Variants in DYDC1 observed in about 807,000 individuals in gnomAD.
DYDC1 encodes the protein DPY30 domain-containing protein 1.
DYDC1 carries 21 observed loss-of-function variants against 27.9 expected under a neutral mutation model. That is an observed-to-expected ratio of 0.75 (90% CI 0.53 to 1.08). The LOEUF (loss-of-function observed/expected upper bound fraction) is 1.08, where lower values mean the gene tolerates loss of function less well. DYDC1 is among the 50% of genes least tolerant of loss of function. DYDC1 has a pLI of 0.00. For missense variants in DYDC1, 202 were observed against 205.9 expected (o/e 0.98, Z 0.12); for synonymous variants, 67 against 65.8 (o/e 1.02, Z -0.09).
At chr10:80,345,992 C>T (rs1431646394) in intron 3 of DYDC1, among the ~76,000 whole-genome samples, 1 of 152,100 alleles carries the variant, frequency 6.6e-6, no homozygotes, top group African/African-American at 2.4e-5. Context: ...CAGGTGCATG[C>T]CATCATCATC....
Position 80,345,868 on chromosome 10 carries a change from G to A in DYDC1, c.250-3507C>T, listed in dbSNP as rs140551152. On this transcript the variant is annotated intron_variant, in intron 3 of 6. Coordinates refer to ENST00000372202, the MANE Select transcript of DYDC1 (RefSeq NM_001269053.2). ...GATATACATGAGAAATACATCTTACGTTTTTTCAAGACAGGGTCTTGCTCT... is the reference window on the plus strand; with the variant it reads ...GATATACATGAGAAATACATCTTACATTTTTTCAAGACAGGGTCTTGCTCT... 1.3e-3 allele frequency among the ~76,000 whole-genome samples: 205 copies of A among 152,158 alleles called. 1 individual carries two copies. The highest frequency in any genetic ancestry group is 4.6e-3 in the African/African-American group (192 of 41,522).
chr10:80,339,034 A>T, intron 5 of DYDC1, 63 bp downstream of exon 5: 1 of 922,214 alleles, frequency 1.1e-6, no homozygotes, highest in Non-Finnish European at 1.6e-6. Flanking sequence ...CATCAAAATT[A>T]AGCTTTACAT....
intron 3 of DYDC1, among the ~76,000 whole-genome samples, chr10:80,346,100 G>A (rs149328807): frequency 8.5e-5 from 13 of 152,204 alleles, no homozygotes; most frequent in Non-Finnish European, 1.3e-4. Flanking sequence ...CTCAGGCCTC[G>A]GCCTCCCAAA....
chr10:80,354,462 G>A (rs1843228069), intron 1 of DYDC1: 2 of 147,724 alleles, frequency 1.4e-5, no homozygotes, highest in Admixed American at 6.8e-5. Flanking sequence ...CTCCAGCCTG[G>A]GCAACAAGAG....
intron 6 of DYDC1, chr10:80,337,185 T>C: frequency 1.0e-6 from 1 of 985,466 alleles, no homozygotes; most frequent in Non-Finnish European, 1.2e-6. Flanking sequence ...CTTCACCTCC[T>C]GAGGAAGACT....
intron 4 of DYDC1, among the ~76,000 whole-genome samples, chr10:80,339,960 G>A (rs556962086): frequency 1.4e-3 from 220 of 152,266 alleles, no homozygotes; most frequent in Middle Eastern, 3.4e-3. Context: ...ATGGATATTT[G>A]ACACAAACTA....
At chr10:80,339,890 C>A (rs571566493) in intron 4 of DYDC1, among the ~76,000 whole-genome samples, 9 of 152,332 alleles carry the variant, frequency 5.9e-5, no homozygotes, top group Non-Finnish European at 1.3e-4. Context: ...TATCCAGCAT[C>A]CACAAGGCTA....
chr10:80,356,146 C>A, intron 1 of DYDC1: 1 of 697,744 alleles, frequency 1.4e-6, no homozygotes, highest in Non-Finnish European at 1.8e-6. Context: ...CTGGGCATAT[C>A]AGTGGGACCC....
intron 3 of DYDC1, among the ~76,000 whole-genome samples, chr10:80,349,865 A>C (rs1842883811): frequency 6.6e-6 from 1 of 152,178 alleles, no homozygotes; most frequent in African/African-American, 2.4e-5. Flanking sequence ...TACATAGAAA[A>C]TGGCAATAAA....
chr10:80,351,978 C>G lies in DYDC1; in HGVS notation c.172G>C (p.Glu58Gln). 6.2e-7 allele frequency: 1 copy of G among 1,614,158 alleles called. No individual in the cohort carries two copies. ...ATCAGAGCTAATTCTCTTTCACGCTCCAGCTTGGCCATTTCCTTTTGTCTC... is the reference window on the plus strand; with the variant it reads ...ATCAGAGCTAATTCTCTTTCACGCTGCAGCTTGGCCATTTCCTTTTGTCTC... ...QLRQKEMAKLERERELALMEQ... is the reference protein window; with the variant it reads ...QLRQKEMAKLQRERELALMEQ... The change falls in exon 3 of 7, where the codon GAG becomes CAG. Residue 58 changes from glutamate (E) to glutamine (Q), a missense_variant. Physicochemically the swap from Glu to Gln is conservative, Grantham distance 29 (BLOSUM62 2). Transcript: ENST00000372202.
At chr10:80,342,034 A>C (rs907869944) in intron 4 of DYDC1, among the ~76,000 whole-genome samples, 1 of 152,094 alleles carries the variant, frequency 6.6e-6, no homozygotes, top group Non-Finnish European at 1.5e-5. Flanking sequence ...CAAAAAAAAA[A>C]AAAAAAAAAG....
chr10:80,347,648 T>A (rs1221274872), intron 3 of DYDC1, among the ~76,000 whole-genome samples: 2 of 152,194 alleles, frequency 1.3e-5, no homozygotes, highest in African/African-American at 4.8e-5. Context: ...AAGACAAGGA[T>A]CCAGTTTCAT....
chr10:80,345,177 C>A (rs1842538557), intron 3 of DYDC1, among the ~76,000 whole-genome samples: 1 of 152,198 alleles, frequency 6.6e-6, no homozygotes, highest in African/African-American at 2.4e-5. Context: ...CCTTCATTCA[C>A]TCTTGTAAAC....
intron 6 of DYDC1, 37 bp downstream of exon 6, chr10:80,338,430 A>G (rs751204050): frequency 2.1e-5 from 34 of 1,607,678 alleles, no homozygotes; most frequent in Non-Finnish European, 2.6e-5. Context: ...AAACAAAAAC[A>G]AAAACGAGTT....
chr10:80,350,343 G>T (rs1195285922), intron 3 of DYDC1, among the ~76,000 whole-genome samples: 1 of 152,162 alleles, frequency 6.6e-6, no homozygotes, highest in African/African-American at 2.4e-5. Flanking sequence ...CGATGTAATT[G>T]CCTAGGGGAA....
chr10:80,350,992 ACAT>A (rs1321395522), intron 3 of DYDC1, among the ~76,000 whole-genome samples: 2 of 152,164 alleles, frequency 1.3e-5, no homozygotes, highest in African/African-American at 4.8e-5. Context: ...GAAGAGAATC[ACAT>A]CATCACATAA....
chr10:80,352,811 A>G, intron 1 of DYDC1: 1 of 494,496 alleles, frequency 2.0e-6, no homozygotes, highest in East Asian at 3.7e-5. Context: ...CACTACAACT[A>G]ACATGGTTTC....
At chr10:80,352,699 C>T in intron 1 of DYDC1, 89 bp from the exon 2 acceptor site, 2 of 1,417,970 alleles carry the variant, frequency 1.4e-6, no homozygotes, top group South Asian at 3.4e-5. Flanking sequence ...CAAAGCCTTA[C>T]ATACACCCTG....
intron 6 of DYDC1, 184 bp downstream of exon 6, chr10:80,338,283 A>C: frequency 7.5e-7 from 1 of 1,334,092 alleles, no homozygotes; most frequent in East Asian, 3.0e-5. Context: ...CACTTCACAA[A>C]AGGGCAGAAT....
Sources: allele counts gnomAD v4.1 joint callset (sites outside exome capture counted in the v4.1 genomes callset), GRCh38; gene constraint gnomAD v4.1.1; transcripts MANE v1.5; gene names NCBI Gene and HGNC (gene_info 2026-07-23, HGNC 2026-07-21).